ART5: variants seen among roughly 807,000 people sequenced by gnomAD.
The protein encoded by ART5 is ADP-ribosyltransferase 5.
Under a neutral mutation model 25.0 loss-of-function variants are expected in ART5, and 22 were observed. That is an observed-to-expected ratio of 0.88 (90% CI 0.63 to 1.26). The LOEUF is 1.26. Among genes scored for constraint, ART5 ranks in the 50% most tolerant of loss-of-function variants. The probability of loss-of-function intolerance (pLI) is 0.00; values close to 1 mark genes in which losing one functional copy is unlikely to be tolerated. For synonymous variants in ART5, 161 were observed against 154.8 expected, an observed-to-expected ratio of 1.04 and a Z score of -0.30; for missense variants, 402 against 372.8, an observed-to-expected ratio of 1.08 and a Z score of -0.64.
chr11:3,641,994 G>C, upstream of ART5: 1 of 1,474,878 alleles, frequency 6.8e-7, no homozygotes. Flanking sequence ...TCCAGGATTA[G>C]GGCCCCGGCG....
chr11:3,639,778 G>A lies in ART5; in HGVS notation c.651C>T (p.Pro217=). The change falls in exon 2 of 4, where the codon CCC becomes CCT. Residue 217 remains proline (P), a synonymous_variant. Transcript: ENST00000397068. ...GGGGAATCAGCACCTCGCGCTCCTT[G>A]GGAAAGACAGAGAAGGCCTGTATAG... ...GAPIQAFSVF[P]KEREVLIPPH... 1.2e-6 allele frequency: 2 copies of A among 1,614,154 alleles called. No individual in the cohort carries two copies. Among genetic ancestry groups the A allele is most frequent in the Non-Finnish European group, 1.7e-6 (2 of 1,180,016 alleles).
upstream of ART5, chr11:3,642,170 G>C (rs1369535603): frequency 1.6e-6 from 2 of 1,270,018 alleles, no homozygotes; most frequent in East Asian, 6.8e-5. Flanking sequence ...CGGGGGCGGA[G>C]GACCCACTTG....
At chr11:3,641,568 G>C (rs538762919) in intron 1 of ART5, among the ~76,000 whole-genome samples, 4 of 152,206 alleles carry the variant, frequency 2.6e-5, no homozygotes, top group African/African-American at 4.8e-5. Context: ...GAGATGAGAG[G>C]TGGGGAGGAG....
At chr11:3,640,503 G>A (rs188506909) in intron 1 of ART5, 132 bp from the exon 2 acceptor site, 2 of 1,189,734 alleles carry the variant, frequency 1.7e-6, no homozygotes, top group East Asian at 5.2e-5. Flanking sequence ...ATGCAATTTG[G>A]CAAGGGCCCA....
chr11:3,641,989 G>A lies in ART5; in HGVS notation c.-127C>T. 1 of 1,443,708 alleles carries A rather than the reference G, an allele frequency of 6.9e-7. No individual in the cohort carries two copies. Among genetic ancestry groups the A allele is most frequent in the South Asian group, 1.3e-5 (1 of 75,814 alleles). 89.4% of individuals were successfully genotyped at this position (1,443,708 alleles called of 1,614,324 possible). ...CAGGCGCACGGGATCCCGGGTCCAG[G>A]ATTAGGGCCCCGGCGGGGCGTGGGC... On this transcript the variant is annotated 5_prime_UTR_variant, in exon 1 of 4. Transcript: ENST00000397068.
chr11:3,639,645 C>T lies in ART5; in HGVS notation c.784G>A (p.Gly262Ser), dbSNP rs752286751. ...TCSHFNCAYL[G>S]GEKRRGCVSA... is the part of the protein sequence containing the mutation. ...GCTTCCCCCATGCACAGCTTACCACCCAGATAGGCGCAGTTAAAATGGCTA... is the reference window on the plus strand; with the variant it reads ...GCTTCCCCCATGCACAGCTTACCACTCAGATAGGCGCAGTTAAAATGGCTA... The change falls in exon 2 of 4, where the codon GGT becomes AGT. Residue 262 changes from glycine to serine, a missense_variant. Coordinates refer to ENST00000397068, the MANE Select transcript of ART5 (RefSeq NM_053017.5). 156 of 1,610,226 alleles carry T rather than the reference C, an allele frequency of 9.7e-5. 2 individuals are homozygous for T. The Admixed American group carries it at 2.6e-3, about 27-fold the overall frequency.
At position 3,638,723 on chromosome 11, in the gene ART5, C is replaced by A; in HGVS notation, c.*15G>T. On this transcript the variant is annotated 3_prime_UTR_variant, in exon 4 of 4. Coordinates refer to ENST00000397068, the MANE Select transcript of ART5 (RefSeq NM_053017.5). ...AAGGCTGCTAGGGCTGGGTCCGGAA[C>A]CATGTTCTTGCTTCTCAAGGCTGCT... The A allele has an allele frequency of 6.2e-7, 1 of 1,614,162 alleles. No homozygotes were observed. The highest frequency in any genetic ancestry group is 8.5e-7 in the Non-Finnish European group (1 of 1,180,016).
In ART5 at chr11:3,638,874, G is replaced by C. The variant is rs747394896; in HGVS notation, c.821-81C>G. ...AGGGGCCAAGAGCAGAGTCTTCCAG[G>C]GGGGCAGAGAGGAGGCCCCCTCAGA... On this transcript the variant is annotated intron_variant, in intron 3 of 3. Coordinates refer to ENST00000397068, the MANE Select transcript of ART5 (RefSeq NM_053017.5). The C allele has an allele frequency of 1.7e-5, 27 of 1,613,206 alleles. No homozygotes were observed. In the Admixed American group the frequency reaches 3.0e-4, roughly 18 times the overall value.
upstream of ART5, chr11:3,642,252 T>G: frequency 9.5e-7 from 1 of 1,053,404 alleles, no homozygotes; most frequent in Non-Finnish European, 1.2e-6. Context: ...CCCGGAGGAG[T>G]CCGGAGTCCG....
At chr11:3,638,960 G>T (rs746170500) in intron 3 of ART5, 43 bp downstream of exon 3, 2 of 1,566,692 alleles carry the variant, frequency 1.3e-6, no homozygotes, top group East Asian at 2.4e-5. Context: ...AGCAGGGTGA[G>T]GGGGAGTCAA....
In ART5 at chr11:3,640,235, C is replaced by T. The variant is rs746090717; in HGVS notation, c.194G>A (p.Arg65Gln). The stretch of plus-strand genomic sequence containing the variant: ...CTCCTGGGCTGCCTCCCAGGATTCC[C>T]GCAGCAGGGCATGGTGGGCCATTTC... ...KEEMAHHALL[R>Q]ESWEAAQETW... The change falls in exon 2 of 4, where the codon CGG becomes CAG. Residue 65 changes from arginine (R) to glutamine (Q), a missense_variant. Coordinates refer to ENST00000397068, the MANE Select transcript of ART5 (RefSeq NM_053017.5). 51 of 1,613,682 alleles carry T rather than the reference C, an allele frequency of 3.2e-5. No individual in the cohort carries two copies. Among genetic ancestry groups the T allele is most frequent in the East Asian group, 2.5e-4 (11 of 44,878 alleles).
At chr11:3,642,145 C>G, upstream of ART5, 5 of 1,287,406 alleles carry the variant, frequency 3.9e-6, no homozygotes, top group African/African-American at 1.5e-5. Flanking sequence ...TTGGCTCCGC[C>G]TGAGAGGGGA....
rs1009474793 is a variant in ART5 at position 3,639,947 on chromosome 11, C to G, written c.482G>C (p.Gly161Ala). Residue 161 changes from glycine (G) to alanine (A), a missense_variant, in exon 2 of 4, where the codon GGT becomes GCT. By Grantham distance (60) the Gly-to-Ala change is moderately conservative. Transcript: ENST00000397068. ...GGGTTCAAAGCGAAGGCTGCCCACA[C>G]CTCGGAACACCACCTCCCCAGGTCC... ...SRGPGEVVFRGVGSLRFEPKR... is the reference protein window; with the variant it reads ...SRGPGEVVFRAVGSLRFEPKR... 2.5e-6 allele frequency: 4 copies of G among 1,614,048 alleles called. No individual in the cohort carries two copies. Among genetic ancestry groups the G allele is most frequent in the South Asian group, 1.1e-5 (1 of 91,092 alleles).
In ART5 at chr11:3,641,987, A is replaced by G. The variant is rs1243091194; in HGVS notation, c.-125T>C. The stretch of plus-strand genomic sequence containing the variant: ...TCCAGGCGCACGGGATCCCGGGTCC[A>G]GGATTAGGGCCCCGGCGGGGCGTGG... On this transcript the variant is annotated 5_prime_UTR_variant, in exon 1 of 4. Transcript: ENST00000397068. 1.9e-5 allele frequency: 27 copies of G among 1,449,252 alleles called. No individual in the cohort carries two copies. The highest frequency in any genetic ancestry group is 2.4e-4 in the Middle Eastern group (1 of 4,098). 89.8% of individuals were successfully genotyped at this position (1,449,252 alleles called of 1,614,324 possible). A position where few individuals can be genotyped will look rare whatever the true frequency, so the allele number is the denominator to read the frequency against.
At chr11:3,639,134 ATCTT>A in intron 2 of ART5, 99 bp from the exon 3 acceptor site, 1 of 1,311,620 alleles carries the variant, frequency 7.6e-7, no homozygotes, top group Non-Finnish European at 1.1e-6. Context: ...TTCTCAATCT[ATCTT>A]TCCCTTCACC....
Position 3,641,924 on chromosome 11 carries a change from C to T in ART5, c.-62G>A, listed in dbSNP as rs757980761. ...GGGCGGGACCAGAGGTGCTGGAGTC[C>T]TGGTTTCGAGGGGCTGGAGGCAGAT... is the stretch of plus-strand genomic sequence containing the variant. On this transcript the variant is annotated 5_prime_UTR_variant, in exon 1 of 4. Transcript: ENST00000397068. The T allele has an allele frequency of 3.4e-5, 52 of 1,542,298 alleles. No homozygotes were observed. The Admixed American group carries it at 4.1e-4, about 12-fold the overall frequency.
chr11:3,638,561 T>A lies in ART5; in HGVS notation c.*177A>T, dbSNP rs576661058. 1 of 706,778 alleles carries A rather than the reference T, an allele frequency of 1.4e-6. No individual in the cohort carries two copies. The highest frequency in any genetic ancestry group is 1.7e-5 in the South Asian group (1 of 57,170). 43.8% of individuals were successfully genotyped at this position (706,778 alleles called of 1,614,324 possible). The stretch of plus-strand genomic sequence containing the variant: ...ACGTAGCTACCTCAATAAAACTCCA[T>A]GTCTCCACATTGCAACACCGTTCAA... On this transcript the variant is annotated 3_prime_UTR_variant, in exon 4 of 4. Coordinates refer to ENST00000397068, the MANE Select transcript of ART5 (RefSeq NM_053017.5).
intron 3 of ART5, 86 bp downstream of exon 3, chr11:3,638,917 C>A: frequency 1.3e-6 from 2 of 1,595,184 alleles, no homozygotes; most frequent in South Asian, 2.2e-5. Context: ...CCTAGCTGCA[C>A]CCCTGCTGAA....
chr11:3,640,178 A>T lies in ART5; in HGVS notation c.251T>A (p.Leu84Ter). Residue 84 changes from leucine (L) to a stop codon, truncating the protein, a stop_gained, in exon 2 of 4, where the codon TTG becomes TAG. Transcript: ENST00000397068. LOFTEE classifies it high-confidence loss of function. Reference sequence around the variant, plus strand: ...ATTCTGGGCTTTGAAGCCAGGGGGCAAGGTAAGCCCTCGACGCTTGTCCTC... The same window carrying T: ...ATTCTGGGCTTTGAAGCCAGGGGGCTAGGTAAGCCCTCGACGCTTGTCCTC... Reference protein sequence around the residue: ...TWEDKRRGLTLPPGFKAQNGI... With the variant: ...TWEDKRRGLT The T allele has an allele frequency of 6.2e-7, 1 of 1,614,062 alleles. No individual in the cohort carries two copies. Among genetic ancestry groups the T allele is most frequent in the Non-Finnish European group, 8.5e-7 (1 of 1,180,050 alleles).
Sources: gnomAD v4.1 joint callset for allele counts (sites outside exome capture counted in the v4.1 genomes callset) on GRCh38, gnomAD v4.1.1 for gene constraint, MANE v1.5 for transcripts, NCBI Gene and HGNC (gene_info 2026-07-23, HGNC 2026-07-21) for gene names.